Variants in SARS2 observed in about 807,000 individuals in gnomAD.
The protein encoded by SARS2 is seryl-tRNA synthetase 2, mitochondrial, also known as serine--tRNA ligase, mitochondrial.
A neutral mutation model predicts 66.8 loss-of-function variants in SARS2; 52 were observed. The ratio of observed to expected loss-of-function variants is 0.78; its 90% CI spans 0.62 to 0.98. The LOEUF (loss-of-function observed/expected upper bound fraction) is 0.98, where lower values mean the gene tolerates loss of function less well. Among genes scored for constraint, SARS2 ranks in the 50% least tolerant of loss-of-function variants. SARS2 has a pLI of 0.00. For missense variants in SARS2, 673 were observed against 706.3 expected (o/e 0.95, Z 0.53); for synonymous variants, 306 against 281.4 (o/e 1.09, Z -0.87).
chr19:38,924,462 T>A (rs747198762), intron 2 of SARS2, among the ~76,000 whole-genome samples: 1 of 152,192 alleles, frequency 6.6e-6, no homozygotes, highest in African/African-American at 2.4e-5. Flanking sequence ...GAACATTAAA[T>A]GATCCATTGT....
Position 38,920,078 on chromosome 19 carries a change from G to A in SARS2, c.653+8C>T. 3 of 1,558,446 alleles carry A rather than the reference G, an allele frequency of 1.9e-6. No individual in the cohort carries two copies. The highest frequency in any genetic ancestry group is 3.3e-4 in the Middle Eastern group (2 of 5,996). On this transcript the variant is annotated splice_region_variant and intron_variant, in intron 6 of 15. Transcript: ENST00000221431. ...AGAGGGGCGTGGGGAGCCAGGGGAG[G>A]GGCTCACTTCTGACGGATGATGTCG...
intron 1 of SARS2, among the ~76,000 whole-genome samples, chr19:38,927,386 T>G (rs1253423485): frequency 6.6e-6 from 1 of 151,700 alleles, no homozygotes; most frequent in Non-Finnish European, 1.5e-5. Context: ...CTGGGCAACA[T>G]GGAGAAACCC....
In SARS2 at chr19:38,930,500, C is replaced by T; in HGVS notation, c.237G>A (p.Gly79=). 1 of 1,605,840 alleles carries T rather than the reference C, an allele frequency of 6.2e-7. No homozygotes were observed. Among genetic ancestry groups the T allele is most frequent in the Non-Finnish European group, 8.5e-7 (1 of 1,174,828 alleles). ...CGGGCAGGTCCGCCGAGCGCAGCTC[C>T]CCCTTGCGGAGCTCCAGGGCGTGTG... ...EAAHALELRK[G]ELRSADLPAI... Residue 79 remains glycine (G), a synonymous_variant, in exon 1 of 16, where the codon GGG becomes GGA. Transcript: ENST00000221431.
chr19:38,918,134 A>G lies in SARS2; in HGVS notation c.922T>C (p.Phe308Leu). ...CTGAAGGCCACGGTGTGGTCCATGA[A>G]GTAGCCTGGGAGGAGAGACCACAGG... ...GTAEVGLAGY[F>L]MDHTVAFRDL... Residue 308 changes from phenylalanine to leucine, a missense_variant, in exon 10 of 16, where the codon TTC becomes CTC. Physicochemically the swap from Phe to Leu is conservative, Grantham distance 22. Coordinates refer to ENST00000221431, the MANE Select transcript of SARS2 (RefSeq NM_017827.4). The G allele has an allele frequency of 6.3e-7, 1 of 1,598,036 alleles. No homozygotes were observed. The highest frequency in any genetic ancestry group is 8.5e-7 in the Non-Finnish European group (1 of 1,172,636).
chr19:38,921,515 C>G lies in SARS2; in HGVS notation c.534+12G>C. The G allele has an allele frequency of 6.2e-7, 1 of 1,614,178 alleles. No homozygotes were observed. Among genetic ancestry groups the G allele is most frequent in the Non-Finnish European group, 8.5e-7 (1 of 1,180,006 alleles). ...GGCCCCTGGCCTCCCTGCCACCCAG[C>G]ACGGTGCTCACCACGTCTGGGTGGG... is the stretch of plus-strand genomic sequence containing the variant. On this transcript the variant is annotated intron_variant, in intron 4 of 15. Coordinates refer to ENST00000221431, the MANE Select transcript of SARS2 (RefSeq NM_017827.4).
Position 38,916,271 on chromosome 19 carries a change from G to C in SARS2, c.1204C>G (p.Arg402Gly). The C allele has an allele frequency of 6.2e-7, 1 of 1,614,072 alleles. No homozygotes were observed. The highest frequency in any genetic ancestry group is 8.5e-7 in the Non-Finnish European group (1 of 1,179,982). Residue 402 changes from arginine to glycine, a missense_variant, in exon 13 of 16, where the codon CGC (arginine) becomes GGC (glycine). Coordinates refer to ENST00000221431, the MANE Select transcript of SARS2 (RefSeq NM_017827.4). The stretch of plus-strand genomic sequence containing the variant: ...ATCCAGGCCTCAATGTCAAACTTGC[G>C]GTAGGCGGGGAGGCCCAGTTCTTGG... ...PTQELGLPAY[R>G]KFDIEAWMPG...
intron 1 of SARS2, among the ~76,000 whole-genome samples, chr19:38,928,642 A>G (rs1350608012): frequency 6.6e-6 from 1 of 152,060 alleles, no homozygotes; most frequent in Non-Finnish European, 1.5e-5. Context: ...AATTATCTAC[A>G]TGGCCATCAA....
chr19:38,922,375 C>T, intron 2 of SARS2, 108 bp from the exon 3 acceptor site: 3 of 1,021,726 alleles, frequency 2.9e-6, no homozygotes, highest in Non-Finnish European at 4.6e-6. Context: ...GTCTCCTGCT[C>T]TGTCAGTGCC....
chr19:38,915,939 A>G, intron 14 of SARS2, 33 bp from the exon 15 acceptor site: 1 of 1,613,162 alleles, frequency 6.2e-7, no homozygotes. Context: ...ACTGGCGCCC[A>G]CCCCAAGCTG....
intron 5 of SARS2, among the ~76,000 whole-genome samples, chr19:38,920,924 TAGAC>T (rs1309523043): frequency 7.8e-6 from 1 of 127,648 alleles, no homozygotes; most frequent in South Asian, 2.6e-4. Flanking sequence ...CACACAGAGA[TAGAC>T]ACACACATAG....
intron 2 of SARS2, among the ~76,000 whole-genome samples, chr19:38,922,710 G>C (rs1219966655): frequency 6.6e-6 from 1 of 152,092 alleles, no homozygotes; most frequent in East Asian, 1.9e-4. Context: ...TATCCTGATA[G>C]TGAGTTCTCA....
At chr19:38,926,386 G>A (rs1300212189) in intron 1 of SARS2, 86 bp from the exon 2 acceptor site, 3 of 1,231,066 alleles carry the variant, frequency 2.4e-6, no homozygotes, top group Admixed American at 1.9e-5. Context: ...TGGACCTGCG[G>A]CGCAGTGAGG....
chr19:38,915,504 C>T lies in SARS2; in HGVS notation c.*102G>A. ...CCGGGCGTGGAGCTGACAGGAAGAA[C>T]ACAGATGTCAGGACGGGCTCAGCAA... is the stretch of plus-strand genomic sequence containing the variant. On this transcript the variant is annotated 3_prime_UTR_variant, in exon 16 of 16. Transcript: ENST00000221431. The T allele has an allele frequency of 7.0e-7, 1 of 1,428,422 alleles. No individual in the cohort carries two copies. Among genetic ancestry groups the T allele is most frequent in the Non-Finnish European group, 9.6e-7 (1 of 1,038,910 alleles). The allele number at this position is 1,428,422 out of a possible 1,614,324, so 88.5% of individuals were successfully genotyped here. A position where few individuals can be genotyped will look rare whatever the true frequency, so the allele number is the denominator to read the frequency against.
chr19:38,917,595 C>T, intron 12 of SARS2, 129 bp downstream of exon 12: 1 of 728,400 alleles, frequency 1.4e-6, no homozygotes, highest in Non-Finnish European at 2.5e-6. Context: ...TCCTGTAATC[C>T]TTGTACAGGA....
rs373589241 is a variant in SARS2 at position 38,930,444 on chromosome 19, C to T, written c.267+26G>A. 61 of 1,579,882 alleles carry T rather than the reference C, an allele frequency of 3.9e-5. 1 individual carries two copies. The South Asian group carries it at 5.5e-4, about 14-fold the overall frequency. On this transcript the variant is annotated intron_variant, in intron 1 of 15. Transcript: ENST00000221431. ...TCTTCCGTAAAGCAAACGTCTGCGC[C>T]CCCCGGCCGGCGCAGGCGCACTCAC...
At chr19:38,916,969 T>A (rs1440336836) in intron 12 of SARS2, among the ~76,000 whole-genome samples, 1 of 149,514 alleles carries the variant, frequency 6.7e-6, no homozygotes, top group African/African-American at 2.5e-5. Context: ...GGCCTTTATT[T>A]TTTTTTTTTA....
Position 38,918,447 on chromosome 19 carries a change from AG to A in SARS2, c.890del (p.Ala297ValfsTer60), listed in dbSNP as rs772816444. The part of the protein sequence containing the change: ...DPARFKDLNL[A>X]GTAEVGLAGY... ...CTGCAAGCCCCACCTCCGCTGTTCC[AG>A]CCAGGTTGAGATCTTTGAAGCGGGC... On this transcript the variant is annotated frameshift_variant, in exon 9 of 16. Coordinates refer to ENST00000221431, the MANE Select transcript of SARS2 (RefSeq NM_017827.4). LOFTEE classifies it high-confidence loss of function. The A allele has an allele frequency of 7.4e-6, 12 of 1,614,150 alleles. No homozygotes were observed. Among genetic ancestry groups the A allele is most frequent in the Non-Finnish European group, 9.3e-6 (11 of 1,179,988 alleles).
Position 38,921,539 on chromosome 19 carries a change from G to A in SARS2, c.522C>T (p.Thr174=). The A allele has an allele frequency of 1.9e-6, 3 of 1,614,192 alleles. 1 individual carries two copies. Among genetic ancestry groups the A allele is most frequent in the African/African-American group, 2.7e-5 (2 of 75,064 alleles). Residue 174 remains threonine (T), a synonymous_variant, in exon 4 of 16, where the codon ACC becomes ACT. Transcript: ENST00000221431. ...GCACGGTGCTCACCACGTCTGGGTG[G>A]GTCTGGTTGGGCAGCTTCAGCGCCT... ...YLQALKLPNQ[T]HPDVPVGDES...
chr19:38,915,851 T>C lies in SARS2; in HGVS notation c.1403A>G (p.Asn468Ser). ...PRLLIALLES[N>S]QQKDGSVLVP... The stretch of plus-strand genomic sequence containing the variant: ...CCCTCAGCCCCTCACCTTCTGCTGG[T>C]TACTCTCCAGGAGCGCGATGAGAAG... Residue 468 changes from asparagine (N) to serine (S), a missense_variant, in exon 15 of 16, where the codon AAC (asparagine) becomes AGC (serine). Physicochemically the swap from Asn to Ser is conservative, Grantham distance 46. Transcript: ENST00000221431. 6.2e-7 allele frequency: 1 copy of C among 1,613,764 alleles called. No homozygotes were observed. The highest frequency in any genetic ancestry group is 8.5e-7 in the Non-Finnish European group (1 of 1,179,988).
Sources: allele counts gnomAD v4.1 joint callset (sites outside exome capture counted in the v4.1 genomes callset), GRCh38; gene constraint gnomAD v4.1.1; transcripts MANE v1.5; gene names NCBI Gene and HGNC (gene_info 2026-07-23, HGNC 2026-07-21).